SYTL2: variants seen among roughly 807,000 people sequenced by gnomAD.
SYTL2 encodes synaptotagmin like 2.
Under a neutral mutation model 198.7 loss-of-function variants are expected in SYTL2, and 165 were observed. That is an observed-to-expected ratio of 0.83 (90% confidence interval 0.73 to 0.94). The LOEUF (loss-of-function observed/expected upper bound fraction) is 0.94, where lower values mean the gene tolerates loss of function less well. Ranked by LOEUF, SYTL2 falls within the 40% of genes least tolerant of loss-of-function variation. SYTL2 has a pLI of 0.00. For synonymous variants in SYTL2, 966 were observed against 917.7 expected (o/e 1.05, Z -0.95); for missense variants, 2,835 against 2,582.8 (o/e 1.10, Z -2.12).
At chr11:85,819,045 G>T in the SYTL2 span, among the ~76,000 whole-genome samples, 1 of 151,882 alleles carries the variant, frequency 6.6e-6, no homozygotes, top group Non-Finnish European at 1.5e-5. Context: ...AAAATCCCAG[G>T]TTTTAAGAGT....
chr11:85,731,909 A>G lies in SYTL2; in HGVS notation c.1390+2030T>C, dbSNP rs149539254. On this transcript the variant is annotated intron_variant, in intron 7 of 19. Transcript: ENST00000359152. ...AAAATTTACAAATTTACAAGAAAAA[A>G]CAACCCCATTAAAAAGTGGGTGAAG... 1.8e-4 allele frequency among the ~76,000 whole-genome samples: 28 copies of G among 152,344 alleles called. 1 individual carries two copies. The East Asian group carries it at 5.2e-3, about 28-fold the overall frequency.
chr11:85,736,480 G>A (rs772549135), intron 6 of SYTL2, 21 bp downstream of exon 6: 28 of 1,297,752 alleles, frequency 2.2e-5, no homozygotes, highest in Non-Finnish European at 3.0e-5. Context: ...AAAAAATCAA[G>A]TTCATAAAAA....
intron 4 of SYTL2, among the ~76,000 whole-genome samples, chr11:85,739,253 CTTTT>C (rs34147924): frequency 1.4e-4 from 18 of 124,430 alleles, no homozygotes; most frequent in Admixed American, 5.0e-4. Context: ...AGGAGGCTGG[CTTTT>C]TTTTTTTTTT....
In SYTL2 at chr11:85,726,143, C is replaced by T. The variant is rs1410026271; in HGVS notation, c.3215G>A (p.Ser1072Asn). 6.2e-7 allele frequency: 1 copy of T among 1,614,030 alleles called. No homozygotes were observed. Reference sequence around the variant, plus strand: ...CTGATAAGTATACTTTCTAAGTGGACTCAAAGGAAATGTGATTTCATCTGG... The same window carrying T: ...CTGATAAGTATACTTTCTAAGTGGATTCAAAGGAAATGTGATTTCATCTGG... ...VLPDEITFPL[S>N]PLRKYTYQLP... is the part of the protein sequence containing the mutation. The change falls in exon 8 of 20, where the codon AGT becomes AAT. Residue 1072 changes from serine to asparagine, a missense_variant. Ser to Asn is a conservative substitution (Grantham distance 46). Transcript: ENST00000359152.
chr11:85,724,182 C>G lies in SYTL2; in HGVS notation c.5176G>C (p.Glu1726Gln). 3.1e-6 allele frequency: 5 copies of G among 1,603,246 alleles called. No homozygotes were observed. Among genetic ancestry groups the G allele is most frequent in the Middle Eastern group, 1.7e-4 (1 of 6,000 alleles). ...ACTTTACTTGTTTTTGTAGAGTTTT[C>G]TTTGTTCATCAGGAGAGGAATGGGT... is the stretch of plus-strand genomic sequence containing the variant. Reference protein sequence around the residue: ...RQPIPLLMNKENSTKTSKVEL... With the variant: ...RQPIPLLMNKQNSTKTSKVEL... The change falls in exon 8 of 20, where the codon GAA becomes CAA. Residue 1726 changes from glutamate to glutamine, a missense_variant. Around this residue, in one of 3 missense-constraint regions of SYTL2, gnomAD observed 2,645 missense variants for 2,381.7 expected, o/e 1.11. Transcript: ENST00000359152.
At chr11:85,730,206 C>A (rs2089656217) in intron 7 of SYTL2, among the ~76,000 whole-genome samples, 1 of 152,180 alleles carries the variant, frequency 6.6e-6, no homozygotes, top group African/African-American at 2.4e-5. Context: ...CTATCCCAAA[C>A]AACAGAAAAA....
In SYTL2 at chr11:85,757,953, A is replaced by G; in HGVS notation, c.-228T>C. On this transcript the variant is annotated 5_prime_UTR_variant, in exon 2 of 20. Coordinates refer to ENST00000359152, the MANE Select transcript of SYTL2 (RefSeq NM_206927.4). ...CCTGGTCTGTGGGATAGTGTCGAGA[A>G]GAGGCTCTCAGAAGGATGCTGTATT... 1.9e-6 allele frequency: 1 copy of G among 517,904 alleles called. No homozygotes were observed. The highest frequency in any genetic ancestry group is 3.4e-6 in the Non-Finnish European group (1 of 290,818). The allele number at this position is 517,904 out of a possible 1,614,324, so 32.1% of individuals were successfully genotyped here. A position where few individuals can be genotyped will look rare whatever the true frequency, so the allele number is the denominator to read the frequency against.
chr11:85,815,588 G>C (rs1338981326), upstream of SYTL2, among the ~76,000 whole-genome samples: 1 of 152,038 alleles, frequency 6.6e-6, no homozygotes, highest in Admixed American at 6.6e-5. Flanking sequence ...TGATTATCTT[G>C]TTTGATCTTC....
intron 1 of SYTL2, among the ~76,000 whole-genome samples, chr11:85,785,663 G>GTCAA (rs1334254015): frequency 1.3e-5 from 2 of 152,134 alleles, no homozygotes; most frequent in Admixed American, 6.6e-5. Flanking sequence ...AACTCTCAAG[G>GTCAA]TCAATCAGAG....
chr11:85,745,587 C>A (rs2091094429), intron 4 of SYTL2, 50 bp downstream of exon 4: 5 of 1,584,628 alleles, frequency 3.2e-6, no homozygotes, highest in Non-Finnish European at 4.3e-6. Flanking sequence ...TGTGACACCC[C>A]AGGCCATGAA....
At chr11:85,705,170 A>G in intron 15 of SYTL2, 142 bp from the exon 16 acceptor site, 1 of 558,798 alleles carries the variant, frequency 1.8e-6, no homozygotes, top group Middle Eastern at 4.7e-4. Flanking sequence ...TTGCAAAGTC[A>G]TCTTATTCTA....
At chr11:85,796,599 C>A (rs896530817) in intron 1 of SYTL2, among the ~76,000 whole-genome samples, 2 of 152,222 alleles carry the variant, frequency 1.3e-5, no homozygotes, top group Non-Finnish European at 2.9e-5. Flanking sequence ...CTTCAACTTT[C>A]TCCTGCAGAG....
chr11:85,704,196 T>C (rs2084780339), intron 16 of SYTL2, among the ~76,000 whole-genome samples: 1 of 151,896 alleles, frequency 6.6e-6, no homozygotes, highest in African/African-American at 2.4e-5. Context: ...AATCAAAAGA[T>C]AGAAACAAAC....
upstream of SYTL2, among the ~76,000 whole-genome samples, chr11:85,814,878 T>G (rs1265655719): frequency 6.6e-6 from 1 of 152,158 alleles, no homozygotes; most frequent in East Asian, 1.9e-4. Context: ...AGATTCACCC[T>G]CCTAGACTGA....
Position 85,724,214 on chromosome 11 carries a change from T to C in SYTL2, c.5144A>G (p.Asn1715Ser). 6.3e-7 allele frequency: 1 copy of C among 1,587,144 alleles called. No individual in the cohort carries two copies. The highest frequency in any genetic ancestry group is 8.5e-7 in the Non-Finnish European group (1 of 1,172,144). Residue 1715 changes from asparagine to serine, a missense_variant, in exon 8 of 20, where the codon AAT (asparagine) becomes AGT (serine). By Grantham distance (46) the Asn-to-Ser change is conservative. Transcript: ENST00000359152. Reference protein sequence around the residue: ...EASEAISVSRNRQPIPLLMNK... With the variant: ...EASEAISVSRSRQPIPLLMNK... ...CATCAGGAGAGGAATGGGTTGCCTA[T>C]TTCTGGACACACTAATTGCTTCAGA...
Position 85,748,422 on chromosome 11 carries a change from G to T in SYTL2, c.103C>A (p.His35Asn). 1 of 1,613,606 alleles carries T rather than the reference G, an allele frequency of 6.2e-7. No homozygotes were observed. Among genetic ancestry groups the T allele is most frequent in the East Asian group, 2.2e-5 (1 of 44,874 alleles). ...TCATCCTTAATTTTTTCAGGCAAAT[G>T]TCTACAAAAGGAAAAGATCTTTAGT... ...LKRAEEERVR[H>N]LPEKIKDDQQ... Residue 35 changes from histidine to asparagine, a missense_variant and splice_region_variant, in exon 3 of 20, where the codon CAT becomes AAT. Around this residue, in one of 3 missense-constraint regions of SYTL2, gnomAD observed 2,645 missense variants for 2,381.7 expected, o/e 1.11. Transcript: ENST00000359152.
At chr11:85,769,994 G>A (rs11234404) in intron 1 of SYTL2, among the ~76,000 whole-genome samples, 5,808 of 152,216 alleles carry the variant, frequency 0.038, 177 homozygotes, top group East Asian at 0.11. Flanking sequence ...TCATTTCACA[G>A]GACAGCTGGG....
chr11:85,739,399 CTA>C (rs1458983284), intron 4 of SYTL2, among the ~76,000 whole-genome samples: 1 of 151,772 alleles, frequency 6.6e-6, no homozygotes, highest in African/African-American at 2.4e-5. Flanking sequence ...TAGTCAGACA[CTA>C]AAATATTAGA....
At position 85,711,250 on chromosome 11, in the gene SYTL2, A is replaced by G. The variant is rs1392431460; in HGVS notation, c.5626-18T>C. On this transcript the variant is annotated intron_variant, in intron 12 of 19. Transcript: ENST00000359152. ...TCATCACTCTACAAAACAGCATATA[A>G]TATGCACAATATTTAAATTCAGAAT... 6.2e-7 allele frequency: 1 copy of G among 1,605,532 alleles called. No homozygotes were observed. Among genetic ancestry groups the G allele is most frequent in the Admixed American group, 1.7e-5 (1 of 57,972 alleles).
Sources: allele counts gnomAD v4.1 joint callset (sites outside exome capture counted in the v4.1 genomes callset), GRCh38; gene constraint gnomAD v4.1.1; regional missense constraint gnomAD v4.1.1; transcripts MANE v1.5; gene names NCBI Gene and HGNC (gene_info 2026-07-23, HGNC 2026-07-21).